GRXCR2: variants seen among roughly 807,000 people sequenced by gnomAD.
The protein encoded by GRXCR2 is glutaredoxin and cysteine rich domain containing 2.
A neutral mutation model predicts 24.8 loss-of-function variants in GRXCR2; 23 were observed. That is an observed-to-expected ratio of 0.93 (90% confidence interval 0.67 to 1.32). The LOEUF (loss-of-function observed/expected upper bound fraction) is 1.32. GRXCR2 is among the 40% of genes most tolerant of loss of function. The probability of loss-of-function intolerance (pLI) is 0.00; values close to 1 mark genes in which losing one functional copy is unlikely to be tolerated. For synonymous variants in GRXCR2, 130 were observed against 116.1 expected (o/e 1.12, Z -0.77); for missense variants, 315 against 303.4 (o/e 1.04, Z -0.28).
chr5:145,882,468 G>A (rs1248870133), intron 2 of GRXCR2, among the ~76,000 whole-genome samples: 1 of 152,156 alleles, frequency 6.6e-6, no homozygotes, highest in Non-Finnish European at 1.5e-5. Flanking sequence ...AAACCACAAT[G>A]AGATACCATC....
upstream of GRXCR2, among the ~76,000 whole-genome samples, chr5:145,877,376 A>C (rs940196520): frequency 6.7e-6 from 1 of 149,382 alleles, no homozygotes; most frequent in Non-Finnish European, 1.5e-5. Flanking sequence ...TTTCAGACAG[A>C]GTCTCACCCT....
chr5:145,875,465 C>T (rs541351798), upstream of GRXCR2, among the ~76,000 whole-genome samples: 1 of 152,188 alleles, frequency 6.6e-6, no homozygotes, highest in East Asian at 1.9e-4. Context: ...AGGAGAATCA[C>T]TTGAAGCCAG....
intron 2 of GRXCR2, among the ~76,000 whole-genome samples, chr5:145,929,278 C>T (rs979933639): frequency 8.1e-4 from 119 of 146,730 alleles, no homozygotes; most frequent in African/African-American, 2.9e-3. Context: ...TTTAACTTTT[C>T]ACTTTTATAA....
intron 2 of GRXCR2, among the ~76,000 whole-genome samples, chr5:145,924,514 G>A (rs1371995411): frequency 1.3e-5 from 2 of 152,088 alleles, no homozygotes; most frequent in Non-Finnish European, 2.9e-5. Context: ...TCTGTATGTT[G>A]CCAAGTTTTG....
At position 145,866,707 on chromosome 5, in the gene GRXCR2, CA is replaced by C; in HGVS notation, c.357del (p.Phe119LeufsTer4). The C allele has an allele frequency of 6.2e-7, 1 of 1,609,286 alleles. No homozygotes were observed. Among genetic ancestry groups the C allele is most frequent in the Non-Finnish European group, 8.5e-7 (1 of 1,175,764 alleles). ...NDHKPLPIID[F>X]GKIIIYTNNL... ...TTATTAGTGTAGATGATTATCTTTCCAAAATCTATAATAGGTAGGGGCTAGA... is the reference window on the plus strand; with the variant it reads ...TTATTAGTGTAGATGATTATCTTTCCAAATCTATAATAGGTAGGGGCTAGA... On this transcript the variant is annotated frameshift_variant, in exon 2 of 3. Coordinates refer to ENST00000377976, the MANE Select transcript of GRXCR2 (RefSeq NM_001080516.2). LOFTEE classifies it high-confidence loss of function.
rs186207366 is a variant in GRXCR2, at chr5:145,927,529, G to A, written c.-70+8172C>T. ...TGGTTCTGTTTATATGCTGGATTAC[G>A]TTTATTGATTTGCGTATGTTGAACC... On this transcript the variant is annotated intron_variant, in intron 2 of 3. Coordinates refer to the GRXCR2 transcript ENST00000639411. 8.0e-3 allele frequency among the ~76,000 whole-genome samples: 1,220 copies of A among 152,202 alleles called. 26 individuals carry two copies. The highest frequency in any genetic ancestry group is 0.028 in the African/African-American group (1,150 of 41,540).
chr5:145,897,247 T>TTACATACATACATACA (rs67092971), intron 2 of GRXCR2, among the ~76,000 whole-genome samples: 1 of 145,822 alleles, frequency 6.9e-6, no homozygotes, highest in Admixed American at 6.9e-5. Flanking sequence ...CTGTTGTTTG[T>TTACATACATACATACA]TACATACATA....
At chr5:145,882,716 T>C (rs1249339744) in intron 2 of GRXCR2, among the ~76,000 whole-genome samples, 3 of 152,154 alleles carry the variant, frequency 2.0e-5, no homozygotes, top group African/African-American at 7.2e-5. Flanking sequence ...TAAAGACACA[T>C]GCACACGTAT....
upstream of GRXCR2, among the ~76,000 whole-genome samples, chr5:145,876,436 T>C (rs1019590540): frequency 1.3e-5 from 2 of 151,524 alleles, no homozygotes; most frequent in African/African-American, 4.9e-5. Flanking sequence ...ACAATTATTA[T>C]TTTCTATGTG....
intron 2 of GRXCR2, among the ~76,000 whole-genome samples, chr5:145,862,829 C>T (rs991077648): frequency 1.3e-5 from 2 of 152,134 alleles, no homozygotes; most frequent in Non-Finnish European, 2.9e-5. Flanking sequence ...TCCCTAGCTG[C>T]AGAATGTGAC....
At chr5:145,930,964 C>G (rs888556890) in intron 2 of GRXCR2, among the ~76,000 whole-genome samples, 4 of 152,228 alleles carry the variant, frequency 2.6e-5, no homozygotes, top group African/African-American at 4.8e-5. Context: ...ATCTGTCTAT[C>G]TAGCAACTGG....
chr5:145,866,460 A>T, intron 2 of GRXCR2, 41 bp downstream of exon 2: 1 of 1,459,468 alleles, frequency 6.9e-7, no homozygotes, highest in Non-Finnish European at 9.6e-7. Flanking sequence ...CCATTGCTGT[A>T]GGGCCAGCTC....
At chr5:145,899,462 G>A (rs1756996028) in intron 2 of GRXCR2, among the ~76,000 whole-genome samples, 1 of 152,040 alleles carries the variant, frequency 6.6e-6, no homozygotes, top group Non-Finnish European at 1.5e-5. Context: ...GCAATTCTAA[G>A]CAAAAAGAAC....
chr5:145,903,985 T>C (rs1757058650), intron 2 of GRXCR2, among the ~76,000 whole-genome samples: 1 of 152,206 alleles, frequency 6.6e-6, no homozygotes, highest in Non-Finnish European at 1.5e-5. Flanking sequence ...TACTCCTCTC[T>C]GATGAAAATT....
At chr5:145,918,535 T>C (rs1757274967) in intron 2 of GRXCR2, among the ~76,000 whole-genome samples, 2 of 152,206 alleles carry the variant, frequency 1.3e-5, no homozygotes, top group South Asian at 2.1e-4. Flanking sequence ...GACTGCCCAG[T>C]CCTGTGGGCA....
chr5:145,861,291 A>G (rs1342798550), intron 2 of GRXCR2, among the ~76,000 whole-genome samples: 1 of 152,164 alleles, frequency 6.6e-6, no homozygotes, highest in Non-Finnish European at 1.5e-5. Flanking sequence ...AACCTTTTTA[A>G]TGAACACTTG....
intron 2 of GRXCR2, among the ~76,000 whole-genome samples, chr5:145,881,516 G>A (rs1408341815): frequency 2.0e-5 from 3 of 152,116 alleles, no homozygotes; most frequent in Admixed American, 6.6e-5. Flanking sequence ...ACTGCTCAAC[G>A]AAATAAAAGA....
At chr5:145,874,349 A>T (rs1005799620), upstream of GRXCR2, among the ~76,000 whole-genome samples, 6 of 151,870 alleles carry the variant, frequency 4.0e-5, no homozygotes, top group African/African-American at 1.5e-4. Context: ...GACTACAGGC[A>T]CACGCCACCA....
chr5:145,876,999 G>GT (rs149371290), upstream of GRXCR2, among the ~76,000 whole-genome samples: 36 of 149,920 alleles, frequency 2.4e-4, no homozygotes, highest in African/African-American at 5.9e-4. Context: ...GATTTTGAGT[G>GT]TTTTTTTTTC....
Sources: gnomAD v4.1 joint callset for allele counts (sites outside exome capture counted in the v4.1 genomes callset) on GRCh38, gnomAD v4.1.1 for gene constraint, MANE v1.5 for transcripts, NCBI Gene and HGNC (gene_info 2026-07-23, HGNC 2026-07-21) for gene names.